MOB3A: variants seen among roughly 807,000 people sequenced by gnomAD.
MOB3A encodes MOB LAK.
Under a neutral mutation model 17.8 loss-of-function variants are expected in MOB3A, and 17 were observed. That is an observed-to-expected ratio of 0.95 (90% CI 0.65 to 1.43). MOB3A has a LOEUF of 1.43. MOB3A is among the 40% of genes most tolerant of loss of function. MOB3A has a pLI of 0.00. For missense variants in MOB3A, 333 were observed against 310.8 expected, an observed-to-expected ratio of 1.07 and a Z score of -0.54; for synonymous variants, 124 against 133.2, an observed-to-expected ratio of 0.93 and a Z score of 0.48.
intron 1 of MOB3A, among the ~76,000 whole-genome samples, chr19:2,088,455 C>A (rs1208689807): frequency 6.6e-6 from 1 of 152,064 alleles, no homozygotes; most frequent in Non-Finnish European, 1.5e-5. Context: ...TGGCGTGCGT[C>A]CAGATAATTT....
chr19:2,076,989 AG>A lies in MOB3A; in HGVS notation c.445del (p.Leu149CysfsTer35). On this transcript the variant is annotated frameshift_variant, in exon 4 of 5. Transcript: ENST00000357066. LOFTEE classifies it high-confidence loss of function. ...NVGTPFPKNFLQTVRKILSRL... is the reference protein window; with the variant it reads ...NVGTPFPKNFXQTVRKILSRL... Reference sequence around the variant, plus strand: ...CGACAGGATCTTCCGCACCGTCTGCAGGAAGTTCTTGGGAAACGGAGTGCCT... The same window carrying A: ...CGACAGGATCTTCCGCACCGTCTGCAGAAGTTCTTGGGAAACGGAGTGCCT... 2 of 1,613,676 alleles carry A rather than the reference AG, an allele frequency of 1.2e-6. No individual in the cohort carries two copies. Among genetic ancestry groups the A allele is most frequent in the Non-Finnish European group, 1.7e-6 (2 of 1,179,966 alleles).
At chr19:2,077,788 CTT>C (rs775160001) in intron 3 of MOB3A, among the ~76,000 whole-genome samples, 17 of 144,286 alleles carry the variant, frequency 1.2e-4, no homozygotes, top group Non-Finnish European at 9.2e-5. Flanking sequence ...AAATGGAATC[CTT>C]TTTTTTTTTT....
At chr19:2,089,210 C>G (rs2144936611) in intron 1 of MOB3A, among the ~76,000 whole-genome samples, 1 of 152,314 alleles carries the variant, frequency 6.6e-6, no homozygotes, top group East Asian at 1.9e-4. Flanking sequence ...TCTCGTGAAA[C>G]TCATCATTTC....
chr19:2,091,444 C>T (rs575569781), intron 1 of MOB3A, among the ~76,000 whole-genome samples: 15 of 151,978 alleles, frequency 9.9e-5, no homozygotes, highest in South Asian at 4.2e-4. Flanking sequence ...AGTGCAGTGG[C>T]GCAATCTCGG....
chr19:2,079,452 C>T (rs1160391174), intron 2 of MOB3A, among the ~76,000 whole-genome samples: 2 of 152,240 alleles, frequency 1.3e-5, no homozygotes, highest in African/African-American at 4.8e-5. Context: ...TGACAAACAT[C>T]CTCAGGAGTG....
In MOB3A at chr19:2,082,200, C is replaced by T. The variant is rs137903810; in HGVS notation, c.-120+2975G>A. ...TCTGCCTGGGACAAAAACCCTGTCTCCACTTTACAGATGAGAAAACCAGGG... is the reference window on the plus strand; with the variant it reads ...TCTGCCTGGGACAAAAACCCTGTCTTCACTTTACAGATGAGAAAACCAGGG... On this transcript the variant is annotated intron_variant, in intron 2 of 4. Coordinates refer to ENST00000357066, the MANE Select transcript of MOB3A (RefSeq NM_130807.3). This position sits in a 1 kb window ranked among gnomAD's most constrained non-coding sequence, Gnocchi z 4.1. 2.1e-3 allele frequency among the ~76,000 whole-genome samples: 316 copies of T among 152,346 alleles called. 2 individuals carry two copies. The highest frequency in any genetic ancestry group is 6.1e-3 in the Admixed American group (93 of 15,302).
rs115172384 is a variant in MOB3A at position 2,071,798 on chromosome 19, G to A, written c.*1597C>T. On this transcript the variant is annotated 3_prime_UTR_variant, in exon 5 of 5. Transcript: ENST00000357066. Reference sequence around the variant, plus strand: ...GAAGATTCCAGACCAGGGGAGAGGCGTCCAGGGAGAGAAGAGTCCTGCTTG... The same window carrying A: ...GAAGATTCCAGACCAGGGGAGAGGCATCCAGGGAGAGAAGAGTCCTGCTTG... The A allele has an allele frequency of 7.5e-3, 1,156 of 154,094 alleles. 19 individuals are homozygous for A. The highest frequency in any genetic ancestry group is 0.026 in the African/African-American group (1,082 of 41,614). The allele number at this position is 154,094 out of a possible 1,614,324, so 9.5% of individuals were successfully genotyped here.
intron 4 of MOB3A, among the ~76,000 whole-genome samples, chr19:2,075,607 G>T (rs966796601): frequency 3.9e-5 from 6 of 152,200 alleles, no homozygotes; most frequent in Non-Finnish European, 8.8e-5. Flanking sequence ...CTCTGGGCAG[G>T]TTCCAGTGCC....
At position 2,082,094 on chromosome 19, in the gene MOB3A, C is replaced by T. The variant is rs2017497161; in HGVS notation, c.-120+3081G>A. On this transcript the variant is annotated intron_variant, in intron 2 of 4. Coordinates refer to ENST00000357066, the MANE Select transcript of MOB3A (RefSeq NM_130807.3). The surrounding 1 kb of genome is among the most constrained non-coding windows in gnomAD (Gnocchi z 4.1). ...GTGACCAGAAAGGCCTGAACTTCCC[C>T]AGCCCATCCTGGGGCCCTTAGCCAC... Among the ~76,000 whole-genome samples, 1 of 152,126 alleles carries T rather than the reference C, an allele frequency of 6.6e-6. No individual in the cohort carries two copies. Among genetic ancestry groups the T allele is most frequent in the African/African-American group, 2.4e-5 (1 of 41,360 alleles).
intron 2 of MOB3A, among the ~76,000 whole-genome samples, chr19:2,080,407 T>G (rs1322884840): frequency 6.6e-6 from 1 of 151,508 alleles, no homozygotes; most frequent in Non-Finnish European, 1.5e-5. Flanking sequence ...AGGCAGAGTC[T>G]CGCTCTGTCA....
chr19:2,076,730 G>GT (rs2017413878), intron 4 of MOB3A, 81 bp downstream of exon 4: 2 of 1,449,138 alleles, frequency 1.4e-6, no homozygotes, highest in Admixed American at 1.8e-5. Flanking sequence ...AGCAGTCAGG[G>GT]TCCTGGCCCC....
In MOB3A at chr19:2,078,468, C is replaced by T. The variant is rs1227482844; in HGVS notation, c.93G>A (p.Leu31=). The T allele has an allele frequency of 6.2e-7, 1 of 1,611,514 alleles. No individual in the cohort carries two copies. Among genetic ancestry groups the T allele is most frequent in the African/African-American group, 1.3e-5 (1 of 74,872 alleles). Residue 31 remains leucine, a synonymous_variant, in exon 3 of 5, where the codon CTG becomes CTA. Coordinates refer to ENST00000357066, the MANE Select transcript of MOB3A (RefSeq NM_130807.3). ...KFEPGTQRFE[L]HKKAQASLNA... is the part of the protein sequence containing the mutation. ...TCAGCGACGCCTGCGCCTTCTTGTG[C>T]AGCTCGAAGCGCTGGGTGCCTGGCT...
chr19:2,081,537 G>A (rs897390123), intron 2 of MOB3A, among the ~76,000 whole-genome samples: 19 of 148,432 alleles, frequency 1.3e-4, no homozygotes, highest in East Asian at 2.0e-4. Context: ...GCAGTGAGCC[G>A]AGATCACACC....
Position 2,078,376 on chromosome 19 carries a change from G to A in MOB3A, c.185C>T (p.Ala62Val). ...PPGEDLNDWV[A>V]VHVVDFFNRV... ...GTTAAAGAAGTCCACCACGTGAACA[G>A]CCACCCAGTCGTTCAGGTCCTCGCC... The change falls in exon 3 of 5, where the codon GCT becomes GTT. Residue 62 changes from alanine (A) to valine (V), a missense_variant. Ala to Val is a moderately conservative substitution (Grantham distance 64, BLOSUM62 0). Transcript: ENST00000357066. 1 of 1,614,202 alleles carries A rather than the reference G, an allele frequency of 6.2e-7. No homozygotes were observed. The highest frequency in any genetic ancestry group is 8.5e-7 in the Non-Finnish European group (1 of 1,180,030).
intron 2 of MOB3A, among the ~76,000 whole-genome samples, chr19:2,081,337 C>T (rs557119811): frequency 1.3e-5 from 2 of 152,166 alleles, no homozygotes; most frequent in Non-Finnish European, 1.5e-5. Flanking sequence ...CCTGTAATCC[C>T]GGCACTTTGG....
At chr19:2,085,453 A>T (rs1308818767) in intron 1 of MOB3A, 125 bp from the exon 2 acceptor site, 1 of 148,502 alleles carries the variant, frequency 6.7e-6, no homozygotes, top group Non-Finnish European at 1.5e-5. Flanking sequence ...GAGGTGTAGC[A>T]GCTCACGGAC....
chr19:2,093,229 C>T lies in MOB3A; in HGVS notation c.-274+2997G>A, dbSNP rs1206104278. ...CTGGAGTGCAGTGGCGTGATCTTGG[C>T]TCACTGCAAGCTCCGCCTCCCGGGT... On this transcript the variant is annotated intron_variant, in intron 1 of 4. Transcript: ENST00000357066. The surrounding 1 kb of genome is among the most constrained non-coding windows in gnomAD (Gnocchi z 4.6). Among the ~76,000 whole-genome samples, 5 of 151,894 alleles carry T rather than the reference C, an allele frequency of 3.3e-5. No individual in the cohort carries two copies. Among genetic ancestry groups the T allele is most frequent in the Non-Finnish European group, 7.4e-5 (5 of 67,992 alleles).
chr19:2,085,364 G>A (rs1346508056), intron 1 of MOB3A, 36 bp from the exon 2 acceptor site: 2 of 151,188 alleles, frequency 1.3e-5, no homozygotes, highest in Non-Finnish European at 2.9e-5. Flanking sequence ...AAATTCCCCT[G>A]CTGCAACACT....
chr19:2,095,774 C>T (rs956464073), intron 1 of MOB3A, among the ~76,000 whole-genome samples: 1 of 151,154 alleles, frequency 6.6e-6, no homozygotes, highest in East Asian at 2.0e-4. Context: ...TTTTTTCCCC[C>T]GCTCTGGTTG....
Sources: allele counts gnomAD v4.1 joint callset (sites outside exome capture counted in the v4.1 genomes callset), GRCh38; gene constraint gnomAD v4.1.1; non-coding constraint Gnocchi (gnomAD v3.1); transcripts MANE v1.5; gene names NCBI Gene and HGNC (gene_info 2026-07-23, HGNC 2026-07-21).